The following COTL1 variants were observed in gnomAD, a reference collection of about 807,000 sequenced individuals.
COTL1 encodes coactosin-like protein.
In COTL1, 15 loss-of-function variants were observed where a neutral mutation model predicts 16.5. The ratio of observed to expected loss-of-function variants is 0.91; its 90% confidence interval spans 0.61 to 1.40. The LOEUF is 1.40. Ranked by LOEUF, COTL1 falls within the 40% of genes most tolerant of loss-of-function variation. The probability of loss-of-function intolerance (pLI) is 0.00; values close to 1 mark genes in which losing one functional copy is unlikely to be tolerated. For missense variants in COTL1, 220 were observed against 201.5 expected (o/e 1.09, Z -0.56); for synonymous variants, 112 against 85.3 (o/e 1.31, Z -1.73).
At chr16:84,587,266 G>A (rs1449689284) in intron 3 of COTL1, among the ~76,000 whole-genome samples, 1 of 152,180 alleles carries the variant, frequency 6.6e-6, no homozygotes, top group Non-Finnish European at 1.5e-5. Context: ...TGAAACAAAT[G>A]GCCTTTGTCA....
At chr16:84,604,207 A>C (rs1597183292) in intron 2 of COTL1, among the ~76,000 whole-genome samples, 9 of 32,508 alleles carry the variant, frequency 2.8e-4, no homozygotes, top group East Asian at 6.6e-4. Flanking sequence ...CCCCATCCAC[A>C]CTCACCGGCC....
chr16:84,582,540 T>C lies in COTL1; in HGVS notation c.318+7565A>G, dbSNP rs556509194. ...CAAAGCAGCCATGGCTTCTGCCTTT[T>C]AGGAGATTATTTCCTTGTTAGTTAC... On this transcript the variant is annotated intron_variant, in intron 3 of 3. Transcript: ENST00000262428. 5.2e-4 allele frequency among the ~76,000 whole-genome samples: 79 copies of C among 152,360 alleles called. 1 individual carries two copies. The highest frequency in any genetic ancestry group is 1.7e-3 in the African/African-American group (69 of 41,592).
intron 3 of COTL1, among the ~76,000 whole-genome samples, chr16:84,581,606 C>A (rs968756190): frequency 2.0e-5 from 3 of 152,146 alleles, no homozygotes; most frequent in Non-Finnish European, 4.4e-5. Context: ...TGGGTTCAAG[C>A]GATTCTCCTG....
rs547628137 is a variant in COTL1 at position 84,614,547 on chromosome 16, G to C, written c.160+2954C>G. 7.2e-5 allele frequency among the ~76,000 whole-genome samples: 11 copies of C among 152,176 alleles called. No homozygotes were observed. In the South Asian group the frequency reaches 2.3e-3, roughly 32 times the overall value. On this transcript the variant is annotated intron_variant, in intron 2 of 3. Transcript: ENST00000262428. The stretch of plus-strand genomic sequence containing the variant: ...TGAGGTGGGAGGGCCAGGGAAGGGG[G>C]TGTTTCAGAGAGAATGCCTGAGTGC...
At chr16:84,584,183 G>A (rs548276115) in intron 3 of COTL1, among the ~76,000 whole-genome samples, 13 of 152,360 alleles carry the variant, frequency 8.5e-5, no homozygotes, top group South Asian at 2.1e-4. Context: ...CCAGCCAGCC[G>A]TGCGTGCTGT....
chr16:84,566,731 C>T lies in COTL1; in HGVS notation c.*114G>A, dbSNP rs1046421698. 4.3e-6 allele frequency: 3 copies of T among 693,242 alleles called. No homozygotes were observed. The highest frequency in any genetic ancestry group is 1.8e-5 in the African/African-American group (1 of 56,100). 42.9% of individuals were successfully genotyped at this position (693,242 alleles called of 1,614,324 possible). ...ACACAGGGTGGCGGGCGCTGCCTCT[C>T]ATGGCTTCTTTTCTCCCTGGTGGGC... On this transcript the variant is annotated 3_prime_UTR_variant, in exon 4 of 4. Transcript: ENST00000262428.
chr16:84,589,195 C>T (rs1380343627), intron 3 of COTL1, among the ~76,000 whole-genome samples: 1 of 151,658 alleles, frequency 6.6e-6, no homozygotes, highest in African/African-American at 2.4e-5. Context: ...AGGTTGGTCT[C>T]AGACTCCTTA....
At chr16:84,586,391 G>A (rs1029991669) in intron 3 of COTL1, among the ~76,000 whole-genome samples, 1 of 152,078 alleles carries the variant, frequency 6.6e-6, no homozygotes, top group Admixed American at 6.6e-5. Context: ...CTCAGTCACC[G>A]GCGCACCTAC....
At chr16:84,617,443 C>G in intron 2 of COTL1, 58 bp downstream of exon 2, 11 of 1,502,374 alleles carry the variant, frequency 7.3e-6, no homozygotes, top group Non-Finnish European at 1.0e-5. Flanking sequence ...CCGGGGCTCC[C>G]CGGGTGCAGA....
chr16:84,601,023 G>A (rs1905096999), intron 2 of COTL1, among the ~76,000 whole-genome samples: 1 of 148,588 alleles, frequency 6.7e-6, no homozygotes, highest in Non-Finnish European at 1.5e-5. Context: ...AAGAGTGGCT[G>A]TAAAGCAGTC....
intron 2 of COTL1, among the ~76,000 whole-genome samples, chr16:84,594,237 C>T (rs1457926219): frequency 6.6e-6 from 1 of 152,238 alleles, no homozygotes; most frequent in Non-Finnish European, 1.5e-5. Flanking sequence ...TATCAGTTGA[C>T]CATGATGACT....
At chr16:84,586,664 G>C (rs1358272816) in intron 3 of COTL1, among the ~76,000 whole-genome samples, 3 of 152,112 alleles carry the variant, frequency 2.0e-5, no homozygotes, top group Non-Finnish European at 4.4e-5. Context: ...TCAGTCTCCT[G>C]AGTTGATCTC....
intron 3 of COTL1, among the ~76,000 whole-genome samples, chr16:84,580,112 G>A (rs1326411238): frequency 1.3e-5 from 2 of 152,238 alleles, no homozygotes; most frequent in Non-Finnish European, 2.9e-5. Context: ...GGCTGGCACT[G>A]GTCTGGAGTT....
intron 3 of COTL1, chr16:84,568,768 C>A (rs2150678702): frequency 6.6e-6 from 1 of 152,306 alleles, no homozygotes; most frequent in East Asian, 1.9e-4. Flanking sequence ...GAGGTACATA[C>A]ATCATACCTC....
At chr16:84,617,458 C>T (rs1164471211) in intron 2 of COTL1, 43 bp downstream of exon 2, 3 of 1,533,818 alleles carry the variant, frequency 2.0e-6, no homozygotes, top group Non-Finnish European at 2.6e-6. Flanking sequence ...TGCAGACAAC[C>T]TCCCAACGAC....
intron 3 of COTL1, among the ~76,000 whole-genome samples, chr16:84,570,106 A>G (rs925073550): frequency 6.6e-6 from 1 of 152,068 alleles, no homozygotes; most frequent in Non-Finnish European, 1.5e-5. Flanking sequence ...TGAAAACCCT[A>G]ATCTACTAAA....
At chr16:84,586,400 A>G (rs890363317) in intron 3 of COTL1, among the ~76,000 whole-genome samples, 1 of 152,082 alleles carries the variant, frequency 6.6e-6, no homozygotes, top group Non-Finnish European at 1.5e-5. Flanking sequence ...CGGCGCACCT[A>G]CCCAAACTGA....
intron 2 of COTL1, among the ~76,000 whole-genome samples, chr16:84,591,228 G>T (rs1392870552): frequency 1.5e-4 from 22 of 148,238 alleles, no homozygotes; most frequent in Non-Finnish European, 3.0e-4. Flanking sequence ...CTGTCGCCCA[G>T]GCTGAAGTGC....
At chr16:84,578,361 A>T (rs966532208) in intron 3 of COTL1, among the ~76,000 whole-genome samples, 1 of 152,250 alleles carries the variant, frequency 6.6e-6, no homozygotes, top group Non-Finnish European at 1.5e-5. Flanking sequence ...TCCATTTTTC[A>T]GCAAAAGTTG....
Sources: gnomAD v4.1 joint callset for allele counts (sites outside exome capture counted in the v4.1 genomes callset) on GRCh38, gnomAD v4.1.1 for gene constraint, MANE v1.5 for transcripts, NCBI Gene and HGNC (gene_info 2026-07-23, HGNC 2026-07-21) for gene names.